The following CSMD1 variants were observed in gnomAD, a reference collection of about 807,000 sequenced individuals.
CSMD1 encodes CUB and sushi domain-containing protein 1.
A neutral mutation model predicts 417.5 loss-of-function variants in CSMD1; 213 were observed. That is an observed-to-expected ratio of 0.51 (90% CI 0.46 to 0.57). CSMD1 has a LOEUF of 0.57. Ranked by LOEUF, CSMD1 falls within the 20% of genes least tolerant of loss-of-function variation. The probability of loss-of-function intolerance (pLI) is 0.00; values close to 1 mark genes in which losing one functional copy is unlikely to be tolerated. For missense variants in CSMD1, 6,923 were observed against 4,529.7 expected (o/e 1.53, Z -15.17); for synonymous variants, 2,862 against 1,736.8 (o/e 1.65, Z -16.11).
chr8:4,375,317 C>G (rs924513461), intron 3 of CSMD1, among the ~76,000 whole-genome samples: 1 of 152,144 alleles, frequency 6.6e-6, no homozygotes, highest in South Asian at 2.1e-4. Context: ...AAGCACCTTT[C>G]TTCCTGGTCT....
chr8:4,253,256 C>G (rs1803208294), intron 3 of CSMD1, among the ~76,000 whole-genome samples: 1 of 152,156 alleles, frequency 6.6e-6, no homozygotes, highest in African/African-American at 2.4e-5. Context: ...CTCCAAAAAG[C>G]TTGATGTTAA....
intron 2 of CSMD1, among the ~76,000 whole-genome samples, chr8:4,596,990 C>T (rs1187383766): frequency 2.0e-5 from 3 of 152,184 alleles, no homozygotes; most frequent in African/African-American, 7.2e-5. Flanking sequence ...CTCTTTCCTC[C>T]CGCCATGATT....
At chr8:4,371,160 T>A (rs1369817344) in intron 3 of CSMD1, among the ~76,000 whole-genome samples, 1 of 152,184 alleles carries the variant, frequency 6.6e-6, no homozygotes, top group South Asian at 2.1e-4. Flanking sequence ...TATAGCTGAA[T>A]GACTTTATTT....
At chr8:3,900,136 G>A (rs908440680) in intron 5 of CSMD1, among the ~76,000 whole-genome samples, 2 of 152,030 alleles carry the variant, frequency 1.3e-5, no homozygotes, top group Non-Finnish European at 2.9e-5. Flanking sequence ...CACTGCAGCT[G>A]GGTGACAGTG....
intron 1 of CSMD1, among the ~76,000 whole-genome samples, chr8:4,948,246 A>AT (rs1409436609): frequency 2.0e-5 from 3 of 151,924 alleles, no homozygotes; most frequent in Non-Finnish European, 4.4e-5. Context: ...CAAGGTTTTA[A>AT]TTTTTTATCG....
chr8:3,767,004 A>C (rs748161065), intron 5 of CSMD1, among the ~76,000 whole-genome samples: 1 of 152,184 alleles, frequency 6.6e-6, no homozygotes, highest in Non-Finnish European at 1.5e-5. Flanking sequence ...AGCAGCCCTC[A>C]ACATCTGAGA....
At position 4,086,176 on chromosome 8, in the gene CSMD1, T is replaced by A. The variant is rs188770774; in HGVS notation, c.416-54077A>T. Reference sequence around the variant, plus strand: ...TTTTCAAAAAGTGCATATAAGTAATTTACTCAATAATAAAACCTTACAGCT... The same window carrying A: ...TTTTCAAAAAGTGCATATAAGTAATATACTCAATAATAAAACCTTACAGCT... On this transcript the variant is annotated intron_variant, in intron 3 of 69. Coordinates refer to ENST00000635120, the MANE Select transcript of CSMD1 (RefSeq NM_033225.6). 1.2e-4 allele frequency among the ~76,000 whole-genome samples: 18 copies of A among 152,248 alleles called. No individual in the cohort carries two copies. In the East Asian group the frequency reaches 2.9e-3, roughly 24 times the overall value.
At chr8:4,100,838 A>G (rs1421600222) in intron 3 of CSMD1, among the ~76,000 whole-genome samples, 2 of 152,210 alleles carry the variant, frequency 1.3e-5, no homozygotes, top group African/African-American at 2.4e-5. Context: ...AAACTGTAAA[A>G]GCAAGAGCCT....
intron 3 of CSMD1, among the ~76,000 whole-genome samples, chr8:4,064,356 A>T (rs1391984997): frequency 1.3e-5 from 2 of 152,132 alleles, no homozygotes. Flanking sequence ...CACAAATTGT[A>T]TCTCTGTTTA....
intron 3 of CSMD1, among the ~76,000 whole-genome samples, chr8:4,120,421 T>C (rs192288512): frequency 1.3e-5 from 2 of 152,296 alleles, no homozygotes; most frequent in South Asian, 2.1e-4. Context: ...GTTTGTTGAG[T>C]TTTCTCTCCT....
intron 5 of CSMD1, among the ~76,000 whole-genome samples, chr8:3,920,009 G>C (rs889264251): frequency 1.3e-5 from 2 of 151,340 alleles, no homozygotes; most frequent in African/African-American, 2.4e-5. Flanking sequence ...TTTACTTTAG[G>C]ATTTACCAAA....
intron 23 of CSMD1, among the ~76,000 whole-genome samples, chr8:3,332,646 T>A (rs1414184710): frequency 1.3e-5 from 2 of 152,212 alleles, no homozygotes; most frequent in Admixed American, 1.3e-4. Context: ...ATATATACTT[T>A]ATGTCTTCAA....
intron 1 of CSMD1, among the ~76,000 whole-genome samples, chr8:4,814,823 A>C (rs537260331): frequency 6.6e-6 from 1 of 152,258 alleles, no homozygotes; most frequent in Non-Finnish European, 1.5e-5. Context: ...AAGGTACCCC[A>C]AAATTATAAT....
intron 51 of CSMD1, among the ~76,000 whole-genome samples, chr8:3,020,172 G>C (rs1249332608): frequency 2.7e-4 from 41 of 152,188 alleles, no homozygotes; most frequent in Admixed American, 2.2e-3. Flanking sequence ...GTTGATAATA[G>C]CTCCTACTGC....
rs540877892 is a variant in CSMD1, at chr8:4,358,379, GA to G, written c.415+61573del. Among the ~76,000 whole-genome samples, 259 of 152,244 alleles carry G rather than the reference GA, an allele frequency of 1.7e-3. 2 individuals are homozygous for G. The highest frequency in any genetic ancestry group is 6.0e-3 in the African/African-American group (248 of 41,550). On this transcript the variant is annotated intron_variant, in intron 3 of 69. Transcript: ENST00000635120. ...TTTTACACTTTTTAATGGTTGAAAA[GA>G]AAAAGAAGGGGACTGTTTCGTGACA...
intron 1 of CSMD1, among the ~76,000 whole-genome samples, chr8:4,742,371 T>C (rs569378288): frequency 6.6e-6 from 1 of 152,036 alleles, no homozygotes; most frequent in East Asian, 1.9e-4. Context: ...CCACCGACTG[T>C]ATCATGAGAA....
intron 3 of CSMD1, among the ~76,000 whole-genome samples, chr8:4,328,555 G>T (rs1200390318): frequency 6.6e-6 from 1 of 151,506 alleles, no homozygotes; most frequent in Non-Finnish European, 1.5e-5. Flanking sequence ...TACACACTAT[G>T]TACCCACAAC....
At chr8:3,327,310 T>C (rs1286906553) in intron 23 of CSMD1, among the ~76,000 whole-genome samples, 2 of 152,092 alleles carry the variant, frequency 1.3e-5, no homozygotes, top group African/African-American at 2.4e-5. Context: ...ATCTGGCTAA[T>C]TTTTTGTAGA....
chr8:4,383,712 C>A (rs1342141529), intron 3 of CSMD1, among the ~76,000 whole-genome samples: 3 of 152,080 alleles, frequency 2.0e-5, no homozygotes. Context: ...AATAAAAACC[C>A]TGTCCCATGA....
Sources: allele counts gnomAD v4.1 joint callset (sites outside exome capture counted in the v4.1 genomes callset), GRCh38; gene constraint gnomAD v4.1.1; transcripts MANE v1.5; gene names NCBI Gene and HGNC (gene_info 2026-07-23, HGNC 2026-07-21).